The following NCAPG variants were observed in gnomAD, a reference collection of about 807,000 sequenced individuals.
NCAPG encodes condensin complex subunit 3.
NCAPG carries 69 observed loss-of-function variants against 113.1 expected under a neutral mutation model. The observed-to-expected ratio is 0.61, with a 90% CI of 0.50 to 0.75. The LOEUF (loss-of-function observed/expected upper bound fraction) is 0.75. NCAPG is among the 30% of genes least tolerant of loss of function. The pLI is 0.00. For synonymous variants in NCAPG, 370 were observed against 415.8 expected, an observed-to-expected ratio of 0.89 and a Z score of 1.34; for missense variants, 1,058 against 1,177.0, an observed-to-expected ratio of 0.90 and a Z score of 1.48.
At chr4:17,820,270 A>C (rs1721399588) in intron 7 of NCAPG, among the ~76,000 whole-genome samples, 1 of 152,098 alleles carries the variant, frequency 6.6e-6, no homozygotes, top group African/African-American at 2.4e-5. Flanking sequence ...GAAATAAGTA[A>C]CTTTAACCTC....
At position 17,837,232 on chromosome 4, in the gene NCAPG, G is replaced by A. The variant is rs1722136103; in HGVS notation, c.2183G>A (p.Arg728Lys). ...TTCTCTGGGCTTTTGGTCAGCAGCAGGATTCTTTCTCGTCTTATTTTGTTA... is the reference window on the plus strand; with the variant it reads ...TTCTCTGGGCTTTTGGTCAGCAGCAAGATTCTTTCTCGTCTTATTTTGTTA... ...LMFSGLLVSS[R>K]ILSRLILLWY... Residue 728 changes from arginine to lysine, a missense_variant, in exon 15 of 21, where the codon AGG (arginine) becomes AAG (lysine). Transcript: ENST00000251496. 6.2e-7 allele frequency: 1 copy of A among 1,613,886 alleles called. No individual in the cohort carries two copies. The highest frequency in any genetic ancestry group is 8.5e-7 in the Non-Finnish European group (1 of 1,179,944).
intron 8 of NCAPG, 36 bp from the exon 9 acceptor site, chr4:17,823,611 C>A: frequency 1.3e-6 from 2 of 1,569,706 alleles, no homozygotes; most frequent in South Asian, 2.3e-5. Context: ...CATGTTTTGT[C>A]ATAATAATAT....
At chr4:17,825,330 T>C (rs777020618) in intron 10 of NCAPG, 52 bp from the exon 11 acceptor site, 1 of 1,441,396 alleles carries the variant, frequency 6.9e-7, no homozygotes, top group African/African-American at 1.4e-5. Flanking sequence ...GCTACAGATA[T>C]TCATATTAAC....
At chr4:17,828,624 T>C (rs114815611) in intron 12 of NCAPG, among the ~76,000 whole-genome samples, 5,674 of 152,216 alleles carry the variant, frequency 0.037, 160 homozygotes, top group South Asian at 0.072. Flanking sequence ...AATGATTTTA[T>C]ACTGGAAAGA....
rs77921100 is a variant in NCAPG at position 17,840,533 on chromosome 4, T to A, written c.2768-74T>A. 2 of 879,236 alleles carry A rather than the reference T, an allele frequency of 2.3e-6. No individual in the cohort carries two copies. Among genetic ancestry groups the A allele is most frequent in the Non-Finnish European group, 3.2e-6 (2 of 632,676 alleles). The allele number at this position is 879,236 out of a possible 1,614,324, so 54.5% of individuals were successfully genotyped here. ...TTTGTCATTTCAGTTTTATAAAAAC[T>A]GGTCTTAAAAAGACAATTTAAAATA... On this transcript the variant is annotated intron_variant, in intron 18 of 20. Coordinates refer to ENST00000251496, the MANE Select transcript of NCAPG (RefSeq NM_022346.5).
chr4:17,842,359 T>C lies in NCAPG; in HGVS notation c.2904T>C (p.Thr968=). ...CTAGGACGAACAGGAGGTGTCAGAC[T>C]GCTGAAGCCGACTCTGAAAGGTATG... The part of the protein sequence containing the change: ...VSARTNRRCQ[T]AEADSESDHE... Residue 968 remains threonine, a synonymous_variant, in exon 20 of 21, where the codon ACT becomes ACC. Coordinates refer to ENST00000251496, the MANE Select transcript of NCAPG (RefSeq NM_022346.5). 6.2e-7 allele frequency: 1 copy of C among 1,612,222 alleles called. No individual in the cohort carries two copies. Among genetic ancestry groups the C allele is most frequent in the East Asian group, 2.2e-5 (1 of 44,810 alleles).
intron 16 of NCAPG, among the ~76,000 whole-genome samples, chr4:17,838,633 T>C (rs1722199227): frequency 6.6e-6 from 1 of 152,142 alleles, no homozygotes; most frequent in South Asian, 2.1e-4. Context: ...GTGATATATG[T>C]AGATGGTTAT....
At chr4:17,835,602 A>C (rs1722064126) in intron 14 of NCAPG, among the ~76,000 whole-genome samples, 1 of 152,256 alleles carries the variant, frequency 6.6e-6, no homozygotes, top group Non-Finnish European at 1.5e-5. Context: ...TCCCAAAAGG[A>C]AACTACTCAT....
At chr4:17,818,342 T>TTGA (rs1167701098) in intron 7 of NCAPG, among the ~76,000 whole-genome samples, 1 of 152,140 alleles carries the variant, frequency 6.6e-6, no homozygotes, top group Non-Finnish European at 1.5e-5. Flanking sequence ...CTGCATAAAG[T>TTGA]TGATGATGAT....
At chr4:17,840,004 T>C (rs1379015894) in intron 17 of NCAPG, 67 bp from the exon 18 acceptor site, 3 of 1,533,300 alleles carry the variant, frequency 2.0e-6, no homozygotes, top group East Asian at 2.3e-5. Flanking sequence ...TTGATATGTA[T>C]TGGTACTATT....
rs1204698550 is a variant in NCAPG, at chr4:17,833,458, C to CA, written c.1885-829dup. Reference sequence around the variant, plus strand: ...TGGGCAACAGAGTGACACTCCATCTCAAAAAAAAAAAATATATATATATAT... The same window carrying CA: ...TGGGCAACAGAGTGACACTCCATCTCAAAAAAAAAAAAATATATATATATAT... On this transcript the variant is annotated intron_variant, in intron 13 of 20. Transcript: ENST00000251496. Among the ~76,000 whole-genome samples the CA allele has an allele frequency of 7.4e-4, 97 of 131,870 alleles. 1 individual carries two copies. Among genetic ancestry groups the CA allele is most frequent in the African/African-American group, 1.3e-3 (44 of 33,396 alleles). 86.5% of individuals were successfully genotyped at this position (131,870 alleles called of 152,430 possible).
intron 14 of NCAPG, among the ~76,000 whole-genome samples, chr4:17,836,032 T>C (rs1339800480): frequency 6.6e-6 from 1 of 152,218 alleles, no homozygotes; most frequent in Admixed American, 6.5e-5. Context: ...TTTGGGAACT[T>C]GACAAACTGT....
chr4:17,843,433 G>T lies in NCAPG; in HGVS notation c.*8G>T, dbSNP rs775104185. On this transcript the variant is annotated 3_prime_UTR_variant, in exon 21 of 21. Coordinates refer to ENST00000251496, the MANE Select transcript of NCAPG (RefSeq NM_022346.5). ...AATGAAGATCTAAGTTAGGAAAGACGATGGAGGTGGAATCCTTTAAGATTA... is the reference window on the plus strand; with the variant it reads ...AATGAAGATCTAAGTTAGGAAAGACTATGGAGGTGGAATCCTTTAAGATTA... The T allele has an allele frequency of 3.1e-6, 5 of 1,610,016 alleles. No individual in the cohort carries two copies. The South Asian group carries it at 5.5e-5, about 18-fold the overall frequency.
At position 17,843,355 on chromosome 4, in the gene NCAPG, G is replaced by A. The variant is rs757772284; in HGVS notation, c.2978G>A (p.Arg993Gln). 20 of 1,611,900 alleles carry A rather than the reference G, an allele frequency of 1.2e-5. No homozygotes were observed. The highest frequency in any genetic ancestry group is 3.3e-5 in the South Asian group (3 of 90,996). ...ESEMKMRLPR[R>Q]AKTAALEKSK... The stretch of plus-strand genomic sequence containing the variant: ...GAAATGAAGATGAGACTACCAAGAC[G>A]AGCCAAAACCGCAGCACTAGAAAAA... The change falls in exon 21 of 21, where the codon CGA becomes CAA. Residue 993 changes from arginine to glutamine, a missense_variant. Transcript: ENST00000251496.
intron 7 of NCAPG, 29 bp downstream of exon 7, chr4:17,818,117 GTGAT>G: frequency 6.3e-7 from 1 of 1,582,238 alleles, no homozygotes; most frequent in Non-Finnish European, 8.6e-7. Context: ...AGTTTGGAGA[GTGAT>G]TGTGTTGCTG....
chr4:17,839,881 T>G (rs763455238), intron 17 of NCAPG, 44 bp downstream of exon 17: 3 of 1,535,436 alleles, frequency 2.0e-6, no homozygotes, highest in Non-Finnish European at 2.6e-6. Flanking sequence ...GTGTTTATAT[T>G]TATACATGTA....
chr4:17,823,733 T>G lies in NCAPG; in HGVS notation c.1346T>G (p.Leu449Arg), dbSNP rs1334386849. Residue 449 changes from leucine to arginine, a missense_variant, in exon 9 of 21, where the codon CTC (leucine) becomes CGC (arginine). Coordinates refer to ENST00000251496, the MANE Select transcript of NCAPG (RefSeq NM_022346.5). The part of the protein sequence containing the change: ...SLVSFLVERL[L>R]HIIIDDNKRT... ...GTTTCTTTTCTTGTTGAAAGACTAC[T>G]CCACATCATTATAGATGATAATAAG... 11 of 1,597,318 alleles carry G rather than the reference T, an allele frequency of 6.9e-6. No individual in the cohort carries two copies. The highest frequency in any genetic ancestry group is 9.4e-6 in the Non-Finnish European group (11 of 1,165,354).
Position 17,828,334 on chromosome 4 carries a change from G to T in NCAPG, c.1710G>T (p.Gln570His), listed in dbSNP as rs765668918. Residue 570 changes from glutamine (Q) to histidine (H), a missense_variant, in exon 12 of 21, where the codon CAG becomes CAT. Physicochemically the swap from Gln to His is conservative, Grantham distance 24. Coordinates refer to ENST00000251496, the MANE Select transcript of NCAPG (RefSeq NM_022346.5). The part of the protein sequence containing the change: ...CLILCYELLK[Q>H]MSISTGLSAT... ...TTTTATGCTATGAACTGTTGAAGCA[G>T]ATGTCCATTTCAACAGGCTTAAGTG... 2 of 1,609,020 alleles carry T rather than the reference G, an allele frequency of 1.2e-6. No homozygotes were observed. Among genetic ancestry groups the T allele is most frequent in the Non-Finnish European group, 1.7e-6 (2 of 1,177,412 alleles).
intron 4 of NCAPG, 27 bp from the exon 5 acceptor site, chr4:17,815,247 T>A: frequency 1.3e-6 from 2 of 1,558,342 alleles, no homozygotes; most frequent in Non-Finnish European, 1.8e-6. Flanking sequence ...TTGAGGTTAA[T>A]GACCATCTTT....
Sources: gnomAD v4.1 joint callset for allele counts (sites outside exome capture counted in the v4.1 genomes callset) on GRCh38, gnomAD v4.1.1 for gene constraint, MANE v1.5 for transcripts, NCBI Gene and HGNC (gene_info 2026-07-23, HGNC 2026-07-21) for gene names.